OMG: variants seen among roughly 807,000 people sequenced by gnomAD.
OMG encodes the protein oligodendrocyte-myelin glycoprotein.
A neutral mutation model predicts 26.2 loss-of-function variants in OMG; 9 were observed. That is an observed-to-expected ratio of 0.34 (90% CI 0.21 to 0.60). OMG has a LOEUF of 0.60. Among genes scored for constraint, OMG ranks in the 20% least tolerant of loss-of-function variants. OMG has a pLI of 0.80. For synonymous variants in OMG, 179 were observed against 190.4 expected, an observed-to-expected ratio of 0.94 and a Z score of 0.49; for missense variants, 402 against 513.6, an observed-to-expected ratio of 0.78 and a Z score of 2.10.
At chr17:31,296,449 C>T in intron 1 of OMG, 112 bp from the exon 2 acceptor site, 1 of 973,796 alleles carries the variant, frequency 1.0e-6, no homozygotes, top group South Asian at 1.3e-5. Flanking sequence ...TTGTCGAGTC[C>T]TTTTATAATT....
rs1231477298 is a variant in OMG at position 31,295,035 on chromosome 17, T to G, written c.1297A>C (p.Asn433His). The G allele has an allele frequency of 6.2e-7, 1 of 1,614,084 alleles. No homozygotes were observed. Among genetic ancestry groups the G allele is most frequent in the East Asian group, 2.2e-5 (1 of 44,876 alleles). Residue 433 changes from asparagine (N) to histidine (H), a missense_variant, in exon 2 of 2, where the codon AAT (asparagine) becomes CAT (histidine). Asn to His is a moderately conservative substitution (Grantham distance 68). Transcript: ENST00000247271. ...CAGACAGCCAGCATGACCACAACAT[T>G]GAGCAATAAGAGAAATGAAGCATTT... is the stretch of plus-strand genomic sequence containing the variant. ...KVNASFLLLL[N>H]VVVMLAV
At position 31,295,351 on chromosome 17, in the gene OMG, A is replaced by G. The variant is rs778939303; in HGVS notation, c.981T>C (p.Thr327=). The G allele has an allele frequency of 3.7e-6, 6 of 1,614,132 alleles. No individual in the cohort carries two copies. In the South Asian group the frequency reaches 6.6e-5, roughly 18 times the overall value. The change falls in exon 2 of 2, where the codon ACT becomes ACC. Residue 327 remains threonine, a synonymous_variant. Coordinates refer to ENST00000247271, the MANE Select transcript of OMG (RefSeq NM_002544.5). ...CTGGATAGGGCACAAAAGCCTTATCAGTGCTAGTAAAGGTGGTGTCTTTGC... is the reference window on the plus strand; with the variant it reads ...CTGGATAGGGCACAAAAGCCTTATCGGTGCTAGTAAAGGTGGTGTCTTTGC... ...TLSKDTTFTS[T]DKAFVPYPED... is the part of the protein sequence containing the mutation.
At chr17:31,297,105 A>T (rs1034984467) in intron 1 of OMG, 51 bp downstream of exon 1, 4 of 152,228 alleles carry the variant, frequency 2.6e-5, no homozygotes, top group African/African-American at 9.6e-5. Flanking sequence ...TTAAAAGAAA[A>T]AGGAAAAAGA....
At position 31,294,896 on chromosome 17, in the gene OMG, C is replaced by G; in HGVS notation, c.*113G>C. ...TACATCAGAGTTAGAAATGTTAAGA[C>G]TGGCTTTCTTGAATACTTAAATATA... On this transcript the variant is annotated 3_prime_UTR_variant, in exon 2 of 2. Transcript: ENST00000247271. The G allele has an allele frequency of 7.1e-7, 1 of 1,402,026 alleles. No individual in the cohort carries two copies. The highest frequency in any genetic ancestry group is 1.2e-5 in the South Asian group (1 of 85,608). The allele number at this position is 1,402,026 out of a possible 1,614,324, so 86.8% of individuals were successfully genotyped here.
chr17:31,295,779 C>T lies in OMG; in HGVS notation c.553G>A (p.Gly185Ser), dbSNP rs1264485244. ...SNNSLTQILPGTLINLTNLTH... is the reference protein window; with the variant it reads ...SNNSLTQILPSTLINLTNLTH... ...AGATTTGTCAGGTTTATTAATGTAC[C>T]TGGAAGAATTTGTGTCAAAGAATTA... Residue 185 changes from glycine (G) to serine (S), a missense_variant, in exon 2 of 2, where the codon GGT becomes AGT. Physicochemically the swap from Gly to Ser is moderately conservative, Grantham distance 56. Around this residue, in one of 3 missense-constraint regions of OMG, gnomAD observed 90 missense variants for 158.9 expected, o/e 0.57. Coordinates refer to ENST00000247271, the MANE Select transcript of OMG (RefSeq NM_002544.5). The T allele has an allele frequency of 1.9e-6, 3 of 1,614,064 alleles. No individual in the cohort carries two copies. Among genetic ancestry groups the T allele is most frequent in the Non-Finnish European group, 2.5e-6 (3 of 1,179,992 alleles).
chr17:31,294,895 A>C lies in OMG; in HGVS notation c.*114T>G. The C allele has an allele frequency of 7.2e-7, 1 of 1,386,166 alleles. No homozygotes were observed. Among genetic ancestry groups the C allele is most frequent in the South Asian group, 1.2e-5 (1 of 85,264 alleles). 85.9% of individuals were successfully genotyped at this position (1,386,166 alleles called of 1,614,324 possible). A position where few individuals can be genotyped will look rare whatever the true frequency, so the allele number is the denominator to read the frequency against. On this transcript the variant is annotated 3_prime_UTR_variant, in exon 2 of 2. Coordinates refer to ENST00000247271, the MANE Select transcript of OMG (RefSeq NM_002544.5). ...TTACATCAGAGTTAGAAATGTTAAG[A>C]CTGGCTTTCTTGAATACTTAAATAT...
chr17:31,295,476 C>G lies in OMG; in HGVS notation c.856G>C (p.Val286Leu), dbSNP rs758335988. The G allele has an allele frequency of 6.8e-6, 11 of 1,614,048 alleles. No homozygotes were observed. Among genetic ancestry groups the G allele is most frequent in the East Asian group, 6.7e-5 (3 of 44,886 alleles). Reference protein sequence around the residue: ...SLFTVSGMQTVDTINSLSVVT... With the variant: ...SLFTVSGMQTLDTINSLSVVT... ...ACACTCAGAGAGTTAATGGTGTCCA[C>G]TGTCTGCATCCCACTTACAGTGAAT... Residue 286 changes from valine to leucine, a missense_variant, in exon 2 of 2, where the codon GTG (valine) becomes CTG (leucine). Physicochemically the swap from Val to Leu is conservative, Grantham distance 32 (BLOSUM62 1). Transcript: ENST00000247271.
rs1280480366 is a variant in OMG, at chr17:31,295,020, G to A, written c.1312C>T (p.Leu438=). 5 of 1,614,110 alleles carry A rather than the reference G, an allele frequency of 3.1e-6. No homozygotes were observed. Among genetic ancestry groups the A allele is most frequent in the Non-Finnish European group, 4.2e-6 (5 of 1,179,974 alleles). The change falls in exon 2 of 2, where the codon CTG becomes TTG. Residue 438 remains leucine, a synonymous_variant. Transcript: ENST00000247271. ...GAAAATGCAGACCCTCAGACAGCCAGCATGACCACAACATTGAGCAATAAG... is the reference window on the plus strand; with the variant it reads ...GAAAATGCAGACCCTCAGACAGCCAACATGACCACAACATTGAGCAATAAG... The part of the protein sequence containing the change: ...FLLLLNVVVM[L]AV
In OMG at chr17:31,295,969, A is replaced by G. The variant is rs376511331; in HGVS notation, c.363T>C (p.Tyr121=). ...IKLLDKSDTA[Y]QWNLKYLDVS... ...CATCCAGATATTTAAGATTCCACTG[A>G]TAAGCAGTATCAGATTTGTCAAGAA... is the stretch of plus-strand genomic sequence containing the variant. Residue 121 remains tyrosine (Y), a synonymous_variant, in exon 2 of 2, where the codon TAT becomes TAC. Coordinates refer to ENST00000247271, the MANE Select transcript of OMG (RefSeq NM_002544.5). 10 of 1,614,048 alleles carry G rather than the reference A, an allele frequency of 6.2e-6. No homozygotes were observed. The highest frequency in any genetic ancestry group is 8.5e-6 in the Non-Finnish European group (10 of 1,180,022).
rs1193051274 is a variant in OMG, at chr17:31,296,345, C to G, written c.-6-8G>C. The G allele has an allele frequency of 5.0e-6, 8 of 1,613,842 alleles. No homozygotes were observed. Among genetic ancestry groups the G allele is most frequent in the Non-Finnish European group, 6.8e-6 (8 of 1,179,788 alleles). ...CTGATATTCCATCAAAGCCTAGAAA[C>G]AAACAGATACACCCTTCTTTTAATA... is the stretch of plus-strand genomic sequence containing the variant. On this transcript the variant is annotated splice_polypyrimidine_tract_variant and splice_region_variant and intron_variant, in intron 1 of 1. Transcript: ENST00000247271.
In OMG at chr17:31,295,271, G is replaced by A; in HGVS notation, c.1061C>T (p.Thr354Ile). Residue 354 changes from threonine (T) to isoleucine (I), a missense_variant, in exon 2 of 2, where the codon ACT becomes ATT. Thr to Ile is a moderately conservative substitution (Grantham distance 89). Coordinates refer to ENST00000247271, the MANE Select transcript of OMG (RefSeq NM_002544.5). ...NSHEAAAATL[T>I]IHLQDGMVTN... ...GACCATTCCATCTTGGAGATGAATA[G>A]TTAGAGTTGCAGCTGCTGCTTCATG... 6.2e-7 allele frequency: 1 copy of A among 1,614,140 alleles called. No individual in the cohort carries two copies. The highest frequency in any genetic ancestry group is 8.5e-7 in the Non-Finnish European group (1 of 1,180,008).
Position 31,295,868 on chromosome 17 carries a change from C to T in OMG, c.464G>A (p.Ser155Asn). The part of the protein sequence containing the change: ...LRSLEVLNLS[S>N]NKLWTVPTNM... ...GGTTGGAACTGTCCAAAGTTTGTTA[C>T]TACTGAGGTTGAGAACCTCGAGACT... is the stretch of plus-strand genomic sequence containing the variant. The change falls in exon 2 of 2, where the codon AGT (serine) becomes AAT (asparagine). Residue 155 changes from serine to asparagine, a missense_variant. Around this residue, in one of 3 missense-constraint regions of OMG, gnomAD observed 90 missense variants for 158.9 expected, o/e 0.57. Transcript: ENST00000247271. The T allele has an allele frequency of 1.9e-6, 3 of 1,614,166 alleles. No homozygotes were observed. The highest frequency in any genetic ancestry group is 1.6e-4 in the Middle Eastern group (1 of 6,062).
At position 31,295,933 on chromosome 17, in the gene OMG, G is replaced by A. The variant is rs754749131; in HGVS notation, c.399C>T (p.Asn133=). The change falls in exon 2 of 2, where the codon AAC becomes AAT. Residue 133 remains asparagine (N), a synonymous_variant. Transcript: ENST00000247271. ...WNLKYLDVSK[N]MLEKVVLIKN... is the part of the protein sequence containing the mutation. Reference sequence around the variant, plus strand: ...TAATGAGGACAACCTTTTCCAGCATGTTCTTAGAAACATCCAGATATTTAA... The same window carrying A: ...TAATGAGGACAACCTTTTCCAGCATATTCTTAGAAACATCCAGATATTTAA... 22 of 1,613,968 alleles carry A rather than the reference G, an allele frequency of 1.4e-5. No homozygotes were observed. Among genetic ancestry groups the A allele is most frequent in the Non-Finnish European group, 1.7e-5 (20 of 1,179,984 alleles).
rs528232571 is a variant in OMG, at chr17:31,294,706, A to G, written c.*303T>C. The G allele has an allele frequency of 1.0e-4, 43 of 410,922 alleles. No individual in the cohort carries two copies. The highest frequency in any genetic ancestry group is 2.6e-4 in the Admixed American group (7 of 26,500). The allele number at this position is 410,922 out of a possible 1,614,324, so 25.5% of individuals were successfully genotyped here. ...GACAGTGTAAACATACATAAAATAC[A>G]TATTAAAGTTTAGATGCTTTATATT... On this transcript the variant is annotated 3_prime_UTR_variant, in exon 2 of 2. Coordinates refer to ENST00000247271, the MANE Select transcript of OMG (RefSeq NM_002544.5).
intron 1 of OMG, chr17:31,296,665 G>T: frequency 1.1e-5 from 3 of 284,384 alleles, no homozygotes; most frequent in South Asian, 4.2e-5. Flanking sequence ...AGCATTCTTT[G>T]CAAATAAATA....
At position 31,295,645 on chromosome 17, in the gene OMG, A is replaced by G. The variant is rs1278528669; in HGVS notation, c.687T>C (p.Cys229=). 6.2e-7 allele frequency: 1 copy of G among 1,614,210 alleles called. No homozygotes were observed. The highest frequency in any genetic ancestry group is 1.1e-5 in the South Asian group (1 of 91,086). The part of the protein sequence containing the change: ...EITLYNNRWS[C]DHKQNITYLL... ...AGTAAGTAATGTTTTGTTTGTGGTC[A>G]CATGACCACCTGTTATTGTAAAGGG... Residue 229 remains cysteine (C), a synonymous_variant, in exon 2 of 2, where the codon TGT becomes TGC. Coordinates refer to ENST00000247271, the MANE Select transcript of OMG (RefSeq NM_002544.5).
intron 1 of OMG, 69 bp from the exon 2 acceptor site, chr17:31,296,406 A>G: frequency 6.6e-7 from 1 of 1,508,856 alleles, no homozygotes; most frequent in African/African-American, 1.4e-5. Context: ...TGGGTCAGTT[A>G]GCATTAGGCA....
chr17:31,296,622 A>G (rs755391761), intron 1 of OMG: 1 of 390,996 alleles, frequency 2.6e-6, no homozygotes, highest in Non-Finnish European at 4.8e-6. Context: ...ATTCTTTCTT[A>G]TTTATCTTTC....
rs767671704 is a variant in OMG, at chr17:31,295,919, A to G, written c.413T>C (p.Val138Ala). Residue 138 changes from valine (V) to alanine (A), a missense_variant, in exon 2 of 2, where the codon GTT becomes GCT. By Grantham distance (64) the Val-to-Ala change is moderately conservative. Coordinates refer to ENST00000247271, the MANE Select transcript of OMG (RefSeq NM_002544.5). ...LDVSKNMLEK[V>A]VLIKNTLRSL... ...TCTTAGTGTATTTTTAATGAGGACA[A>G]CCTTTTCCAGCATGTTCTTAGAAAC... is the stretch of plus-strand genomic sequence containing the variant. 7.4e-6 allele frequency: 12 copies of G among 1,614,006 alleles called. No individual in the cohort carries two copies. The highest frequency in any genetic ancestry group is 2.2e-5 in the South Asian group (2 of 91,080).
Sources: gnomAD v4.1 joint callset for allele counts on GRCh38, gnomAD v4.1.1 for gene constraint, gnomAD v4.1.1 regional missense constraint, MANE v1.5 for transcripts, NCBI Gene and HGNC (gene_info 2026-07-23, HGNC 2026-07-21) for gene names.